The following PDLIM5 variants were observed in gnomAD, a reference collection of about 807,000 sequenced individuals.
PDLIM5 encodes PDZ and LIM domain protein 5.
PDLIM5 carries 34 observed loss-of-function variants against 64.2 expected under a neutral mutation model. The observed-to-expected ratio is 0.53, with a 90% confidence interval of 0.40 to 0.71. The LOEUF is 0.71. PDLIM5 is among the 30% of genes least tolerant of loss of function. The pLI is 0.00. For missense variants in PDLIM5, 683 were observed against 733.6 expected (o/e 0.93, Z 0.80); for synonymous variants, 253 against 269.1 (o/e 0.94, Z 0.59).
chr4:94,525,502 T>C (rs1166440055), intron 3 of PDLIM5, among the ~76,000 whole-genome samples: 1 of 152,162 alleles, frequency 6.6e-6, no homozygotes, highest in Non-Finnish European at 1.5e-5. Flanking sequence ...AACCTTTTTC[T>C]TGGAGCCTCT....
At chr4:94,494,116 T>G (rs1392079501) in intron 2 of PDLIM5, among the ~76,000 whole-genome samples, 1 of 152,004 alleles carries the variant, frequency 6.6e-6, no homozygotes, top group African/African-American at 2.4e-5. Flanking sequence ...TGCACCACCA[T>G]GCATGGTGAA....
intron 12 of PDLIM5, among the ~76,000 whole-genome samples, 199 bp downstream of exon 12, chr4:94,662,736 T>G (rs1366542364): frequency 6.6e-6 from 1 of 152,072 alleles, no homozygotes; most frequent in African/African-American, 2.4e-5. Context: ...AGTGAGATCC[T>G]TAGTCCTTAG....
intron 4 of PDLIM5, among the ~76,000 whole-genome samples, chr4:94,574,272 C>T (rs932093899): frequency 5.3e-5 from 8 of 151,996 alleles, no homozygotes; most frequent in East Asian, 1.9e-4. Context: ...CCGAGGCAGG[C>T]GGATCACCTG....
chr4:94,615,607 A>C (rs964357541), intron 7 of PDLIM5, among the ~76,000 whole-genome samples: 6 of 152,160 alleles, frequency 3.9e-5, no homozygotes, highest in Non-Finnish European at 8.8e-5. Context: ...AGACTGGTAG[A>C]TTGTAGCTTT....
At chr4:94,457,610 A>G (rs1407041057) in intron 2 of PDLIM5, among the ~76,000 whole-genome samples, 1 of 152,220 alleles carries the variant, frequency 6.6e-6, no homozygotes, top group Non-Finnish European at 1.5e-5. Flanking sequence ...GCCAAACTTA[A>G]TTATCACTTT....
chr4:94,620,398 G>C (rs554890522), intron 8 of PDLIM5, among the ~76,000 whole-genome samples: 1 of 152,186 alleles, frequency 6.6e-6, no homozygotes, highest in Non-Finnish European at 1.5e-5. Flanking sequence ...AGCCAGACAT[G>C]GTGGCACATG....
chr4:94,487,392 A>G (rs1560649005), intron 2 of PDLIM5, among the ~76,000 whole-genome samples: 1 of 152,230 alleles, frequency 6.6e-6, no homozygotes, highest in African/African-American at 2.4e-5. Flanking sequence ...AGTGTAAGAT[A>G]TCATCAAGAA....
intron 7 of PDLIM5, chr4:94,587,903 G>T (rs944215752): frequency 1.1e-5 from 10 of 905,750 alleles, no homozygotes; most frequent in Non-Finnish European, 1.3e-5. Flanking sequence ...ATTACAATAT[G>T]AATGATTGTG....
At chr4:94,622,090 T>A (rs1010085532) in intron 8 of PDLIM5, among the ~76,000 whole-genome samples, 4 of 152,174 alleles carry the variant, frequency 2.6e-5, no homozygotes, top group African/African-American at 9.7e-5. Flanking sequence ...AAAAACAAAA[T>A]TCCCAGCCAC....
At chr4:94,514,421 A>G (rs1437517173) in intron 2 of PDLIM5, among the ~76,000 whole-genome samples, 2 of 152,094 alleles carry the variant, frequency 1.3e-5, no homozygotes, top group Admixed American at 6.5e-5. Context: ...GGCGTGAGCC[A>G]CTTCGCCTGG....
intron 2 of PDLIM5, among the ~76,000 whole-genome samples, chr4:94,507,915 C>T (rs985875875): frequency 3.9e-5 from 6 of 152,136 alleles, no homozygotes; most frequent in Non-Finnish European, 7.3e-5. Context: ...TCCTTCACTC[C>T]CTCCTTGGTA....
At position 94,475,476 on chromosome 4, in the gene PDLIM5, G is replaced by A. The variant is rs183154253; in HGVS notation, c.96+20092G>A. Among the ~76,000 whole-genome samples the A allele has an allele frequency of 3.4e-3, 517 of 152,256 alleles. 2 individuals carry two copies. Among genetic ancestry groups the A allele is most frequent in the Non-Finnish European group, 5.6e-3 (379 of 68,014 alleles). On this transcript the variant is annotated intron_variant, in intron 2 of 12. Transcript: ENST00000317968. The stretch of plus-strand genomic sequence containing the variant: ...GACTCTTGAGTTTCATGGTCAATGT[G>A]CCCTTCCCTAGAAATGATGATGAGT...
intron 7 of PDLIM5, among the ~76,000 whole-genome samples, chr4:94,599,843 A>G (rs1028022093): frequency 6.6e-6 from 1 of 152,164 alleles, no homozygotes; most frequent in Admixed American, 6.5e-5. Context: ...TAAAACAGTA[A>G]TGAGGAGGAC....
At chr4:94,624,323 A>T (rs1474196030) in intron 8 of PDLIM5, among the ~76,000 whole-genome samples, 1 of 151,154 alleles carries the variant, frequency 6.6e-6, no homozygotes, top group African/African-American at 2.4e-5. Context: ...CATCTAAAAA[A>T]AATGTGATAA....
intron 9 of PDLIM5, among the ~76,000 whole-genome samples, chr4:94,651,004 C>G (rs1388838798): frequency 6.6e-6 from 1 of 152,134 alleles, no homozygotes; most frequent in Non-Finnish European, 1.5e-5. Flanking sequence ...ATACTTAATT[C>G]CACTCTGCAG....
In PDLIM5 at chr4:94,455,437, C is replaced by T. The variant is rs562994588; in HGVS notation, c.96+53C>T. On this transcript the variant is annotated intron_variant, in intron 2 of 12. Coordinates refer to ENST00000317968, the MANE Select transcript of PDLIM5 (RefSeq NM_006457.5). ...AGATGTTCATTCAGTGCTTAGTCCT[C>T]GGGCTGAGTTGTTTAATTCTCTGTT... is the stretch of plus-strand genomic sequence containing the variant. The T allele has an allele frequency of 6.4e-5, 71 of 1,113,750 alleles. No individual in the cohort carries two copies. The East Asian group carries it at 9.8e-4, about 15-fold the overall frequency. 69.0% of individuals were successfully genotyped at this position (1,113,750 alleles called of 1,614,324 possible).
chr4:94,538,768 C>T (rs1481872711), intron 3 of PDLIM5, among the ~76,000 whole-genome samples: 9 of 152,102 alleles, frequency 5.9e-5, no homozygotes, highest in Admixed American at 5.9e-4. Context: ...TTCTTTCTTT[C>T]TTTAGAGCCT....
rs116064695 is a variant in PDLIM5, at chr4:94,586,645, G to C, written c.920+201G>C. On this transcript the variant is annotated intron_variant, in intron 7 of 12. Coordinates refer to ENST00000317968, the MANE Select transcript of PDLIM5 (RefSeq NM_006457.5). Reference sequence around the variant, plus strand: ...TAGTAGATATTGTCTGGATTTTAAGGCTTGTTTTCCCTAGTATTGAAATAA... The same window carrying C: ...TAGTAGATATTGTCTGGATTTTAAGCCTTGTTTTCCCTAGTATTGAAATAA... Among the ~76,000 whole-genome samples the C allele has an allele frequency of 3.7e-3, 570 of 152,266 alleles. 3 individuals carry two copies. The highest frequency in any genetic ancestry group is 0.013 in the African/African-American group (543 of 41,552).
At chr4:94,614,374 T>C (rs1174435586) in intron 7 of PDLIM5, among the ~76,000 whole-genome samples, 1 of 151,990 alleles carries the variant, frequency 6.6e-6, no homozygotes, top group Non-Finnish European at 1.5e-5. Flanking sequence ...CTTGGTCTCC[T>C]AAAGTGCTGG....
Sources: gnomAD v4.1 joint callset for allele counts (sites outside exome capture counted in the v4.1 genomes callset) on GRCh38, gnomAD v4.1.1 for gene constraint, MANE v1.5 for transcripts, NCBI Gene and HGNC (gene_info 2026-07-23, HGNC 2026-07-21) for gene names.